SPATA1: variants seen among roughly 807,000 people sequenced by gnomAD.
SPATA1 encodes the protein spermatogenesis associated 1, also known as spermatogenesis-associated protein 1.
In SPATA1, 57 loss-of-function variants were observed where a neutral mutation model predicts 59.6. That is an observed-to-expected ratio of 0.96 (90% confidence interval 0.77 to 1.19). The LOEUF (loss-of-function observed/expected upper bound fraction) is 1.19. Among genes scored for constraint, SPATA1 ranks in the 50% most tolerant of loss-of-function variants. The probability of loss-of-function intolerance (pLI) is 0.00; values close to 1 mark genes in which losing one functional copy is unlikely to be tolerated. For synonymous variants in SPATA1, 147 were observed against 163.9 expected (o/e 0.90, Z 0.79); for missense variants, 448 against 480.7 (o/e 0.93, Z 0.64).
At chr1:84,557,790 G>A (rs1326365793), downstream of SPATA1, among the ~76,000 whole-genome samples, 5 of 151,272 alleles carry the variant, frequency 3.3e-5, no homozygotes, top group Admixed American at 1.3e-4. Flanking sequence ...CCCGGGAGGC[G>A]GAGCTTGCAG....
intron 4 of SPATA1, 130 bp from the exon 5 acceptor site, chr1:84,525,566 T>G: frequency 1.5e-6 from 1 of 661,120 alleles, no homozygotes; most frequent in Non-Finnish European, 2.6e-6. Flanking sequence ...TTCTAGAATC[T>G]AGCCATAGCT....
intron 1 of SPATA1, among the ~76,000 whole-genome samples, chr1:84,514,972 AAAAAAAAG>A (rs1387654709): frequency 6.6e-6 from 1 of 152,042 alleles, no homozygotes; most frequent in Non-Finnish European, 1.5e-5. Context: ...CTCTGTCTCA[AAAAAAAAG>A]AAAAAAAATT....
chr1:84,547,237 A>G (rs2102003362), intron 10 of SPATA1, among the ~76,000 whole-genome samples: 1 of 152,292 alleles, frequency 6.6e-6, no homozygotes, highest in African/African-American at 2.4e-5. Flanking sequence ...GGATTGTAAC[A>G]CCAGATCTAT....
At chr1:84,555,868 T>C (rs1050937614), downstream of SPATA1, 1 of 152,260 alleles carries the variant, frequency 6.6e-6, no homozygotes, top group African/African-American at 2.4e-5. Flanking sequence ...AATGCTCTGG[T>C]CCTCTAAAAC....
chr1:84,513,714 A>T (rs1682673412), intron 1 of SPATA1, among the ~76,000 whole-genome samples: 2 of 152,128 alleles, frequency 1.3e-5, no homozygotes, highest in Non-Finnish European at 1.5e-5. Flanking sequence ...TCTCACTACC[A>T]GTTAACCTAG....
intron 7 of SPATA1, among the ~76,000 whole-genome samples, 188 bp downstream of exon 7, chr1:84,533,162 G>C (rs1033585764): frequency 1.3e-5 from 2 of 151,816 alleles, no homozygotes; most frequent in Admixed American, 6.6e-5. Flanking sequence ...AGATAATAAG[G>C]GATAATTCAT....
At chr1:84,544,395 T>C in intron 9 of SPATA1, 91 bp downstream of exon 9, 2 of 977,342 alleles carry the variant, frequency 2.0e-6, no homozygotes, top group Non-Finnish European at 1.5e-6. Flanking sequence ...GTATAGAGTT[T>C]CAGTTTGAGA....
intron 6 of SPATA1, 197 bp downstream of exon 6, chr1:84,526,270 T>C: frequency 2.1e-6 from 1 of 468,464 alleles, no homozygotes. Context: ...AAGTACTATG[T>C]TAAAATAAAA....
At chr1:84,518,221 G>A (rs561732719) in intron 2 of SPATA1, among the ~76,000 whole-genome samples, 32 of 152,240 alleles carry the variant, frequency 2.1e-4, no homozygotes, top group African/African-American at 6.5e-4. Flanking sequence ...TTTAAAAAAC[G>A]TAACAACCAA....
At chr1:84,557,651 C>T (rs1211505451), downstream of SPATA1, among the ~76,000 whole-genome samples, 2 of 150,548 alleles carry the variant, frequency 1.3e-5, no homozygotes, top group South Asian at 2.1e-4. Context: ...GTCAGGAGAT[C>T]GAGACCATCC....
chr1:84,565,116 C>A (rs1684666357), intron 4 of SPATA1, among the ~76,000 whole-genome samples: 1 of 151,600 alleles, frequency 6.6e-6, no homozygotes, highest in African/African-American at 2.4e-5. Context: ...GAGGCTAAGG[C>A]TGAGCTTGTG....
chr1:84,555,578 T>C (rs1684405531), downstream of SPATA1, among the ~76,000 whole-genome samples: 1 of 152,240 alleles, frequency 6.6e-6, no homozygotes, highest in Non-Finnish European at 1.5e-5. Flanking sequence ...TATGGCACTT[T>C]TAACAATGGC....
At chr1:84,525,648 A>C in intron 4 of SPATA1, 48 bp from the exon 5 acceptor site, 1 of 1,518,222 alleles carries the variant, frequency 6.6e-7, no homozygotes, top group Non-Finnish European at 8.9e-7. Flanking sequence ...AAATAATTGA[A>C]AAAAATGTAG....
rs1317642007 is a variant in SPATA1, at chr1:84,544,244, C to CT, written c.762dup (p.Pro255SerfsTer12). 6 of 1,600,342 alleles carry CT rather than the reference C, an allele frequency of 3.7e-6. No individual in the cohort carries two copies. The African/African-American group carries it at 8.0e-5, about 21-fold the overall frequency. On this transcript the variant is annotated frameshift_variant, in exon 9 of 13. Transcript: ENST00000490879. LOFTEE classifies it high-confidence loss of function. ...CATCACCCTACCAGATCACCCTTCACTTCCTTGTCAACCTGTTCTTTCTTC... is the reference window on the plus strand; with the variant it reads ...CATCACCCTACCAGATCACCCTTCACTTTCCTTGTCAACCTGTTCTTTCTTC...
rs555032757 is a variant in SPATA1 at position 84,520,803 on chromosome 1, G to A, written c.143+112G>A. The A allele has an allele frequency of 2.9e-4, 209 of 712,964 alleles. 1 individual carries two copies. In the African/African-American group the frequency reaches 3.0e-3, roughly 10 times the overall value. 44.2% of individuals were successfully genotyped at this position (712,964 alleles called of 1,614,324 possible). On this transcript the variant is annotated intron_variant, in intron 3 of 12. Coordinates refer to ENST00000490879, the Ensembl canonical transcript of SPATA1. Reference sequence around the variant, plus strand: ...TATAAGTGAAAAATATTTTGTCCACGTGATAGATCCATTTCCTGACTTAAT... The same window carrying A: ...TATAAGTGAAAAATATTTTGTCCACATGATAGATCCATTTCCTGACTTAAT...
At chr1:84,509,225 T>G (rs1380276345) in intron 1 of SPATA1, among the ~76,000 whole-genome samples, 2 of 137,616 alleles carry the variant, frequency 1.5e-5, no homozygotes, top group African/African-American at 2.6e-5. Context: ...AAAAAAAACA[T>G]AGACCAGTAG....
At chr1:84,532,221 C>T (rs918568995) in intron 6 of SPATA1, among the ~76,000 whole-genome samples, 1 of 152,204 alleles carries the variant, frequency 6.6e-6, no homozygotes, top group Non-Finnish European at 1.5e-5. Flanking sequence ...TAAGGCCGAA[C>T]GCAGTGGCTT....
Position 84,553,118 on chromosome 1 carries a change from CAATT to C in SPATA1, c.1310_1313del (p.Asn437ArgfsTer32). The C allele has an allele frequency of 6.8e-7, 1 of 1,469,992 alleles. No individual in the cohort carries two copies. Among genetic ancestry groups the C allele is most frequent in the Non-Finnish European group, 9.1e-7 (1 of 1,098,044 alleles). 91.1% of individuals were successfully genotyped at this position (1,469,992 alleles called of 1,614,324 possible). On this transcript the variant is annotated frameshift_variant and stop_lost, in exon 13 of 13. Transcript: ENST00000490879. LOFTEE classifies it high-confidence loss of function. ...AAAAAATAATACATCTCTACAATCT[CAATT>C]AGGTATGTTAATTTAAAACTTTTAT... is the stretch of plus-strand genomic sequence containing the variant.
chr1:84,532,474 C>T (rs1255092449), intron 6 of SPATA1, among the ~76,000 whole-genome samples: 1 of 152,002 alleles, frequency 6.6e-6, no homozygotes, highest in South Asian at 2.1e-4. Flanking sequence ...CCAGCCTGGG[C>T]GACAGAGCAA....
Sources: allele counts gnomAD v4.1 joint callset (sites outside exome capture counted in the v4.1 genomes callset), GRCh38; gene constraint gnomAD v4.1.1; transcripts MANE v1.5; gene names NCBI Gene and HGNC (gene_info 2026-07-23, HGNC 2026-07-21).